DCC: variants seen among roughly 807,000 people sequenced by gnomAD.
DCC encodes netrin receptor DCC.
DCC carries 58 observed loss-of-function variants against 172.5 expected under a neutral mutation model. The observed-to-expected ratio is 0.34, with a 90% CI of 0.27 to 0.42. DCC has a LOEUF of 0.42. DCC is among the 10% of genes least tolerant of loss of function. The pLI is 1.00. For missense variants in DCC, 1,740 were observed against 1,791.0 expected (o/e 0.97, Z 0.51); for synonymous variants, 709 against 644.5 (o/e 1.10, Z -1.52).
chr18:53,410,336 A>G (rs1909906498), intron 19 of DCC, 116 bp from the exon 20 acceptor site: 2 of 740,682 alleles, frequency 2.7e-6, no homozygotes, highest in African/African-American at 1.7e-5. Flanking sequence ...GCTGTAGTTT[A>G]CAGATTGTGG....
At chr18:52,389,156 C>G (rs950284715) in intron 1 of DCC, among the ~76,000 whole-genome samples, 2 of 152,070 alleles carry the variant, frequency 1.3e-5, no homozygotes, top group African/African-American at 4.8e-5. Context: ...TCGATGAGTT[C>G]ATTTTTGCAG....
At chr18:53,091,240 C>A (rs1201725623) in intron 7 of DCC, among the ~76,000 whole-genome samples, 1 of 151,462 alleles carries the variant, frequency 6.6e-6, no homozygotes, top group African/African-American at 2.4e-5. Flanking sequence ...TTTCAGCTAG[C>A]TTTTCATCTC....
chr18:53,127,022 G>A (rs1412625260), intron 7 of DCC, among the ~76,000 whole-genome samples: 1 of 151,982 alleles, frequency 6.6e-6, no homozygotes, highest in Non-Finnish European at 1.5e-5. Context: ...GCAATTGTAG[G>A]TGCATCTCTT....
intron 12 of DCC, among the ~76,000 whole-genome samples, chr18:53,292,205 C>G (rs924610921): frequency 7.5e-5 from 11 of 146,052 alleles, no homozygotes; most frequent in Non-Finnish European, 1.0e-4. Context: ...GTTGGTTTTG[C>G]TTAGTTAGCC....
chr18:52,577,704 A>G (rs1181393248), intron 1 of DCC, among the ~76,000 whole-genome samples: 1 of 152,190 alleles, frequency 6.6e-6, no homozygotes, highest in Non-Finnish European at 1.5e-5. Context: ...AAGGAAAGAA[A>G]AATGCAGGAA....
At position 53,111,707 on chromosome 18, in the gene DCC, AT is replaced by A. The variant is rs1200492198; in HGVS notation, c.1261+45542del. 6.6e-5 allele frequency among the ~76,000 whole-genome samples: 10 copies of A among 151,790 alleles called. No individual in the cohort carries two copies. In the East Asian group the frequency reaches 1.8e-3, roughly 27 times the overall value. ...GCATTTATGCTAATGGGATACATAT[AT>A]GTCCATCTTGTACATTTTCCCTGGA... On this transcript the variant is annotated intron_variant, in intron 7 of 28. Coordinates refer to ENST00000442544, the MANE Select transcript of DCC (RefSeq NM_005215.4).
intron 2 of DCC, among the ~76,000 whole-genome samples, chr18:52,883,115 A>G (rs181717820): frequency 6.6e-6 from 1 of 151,238 alleles, no homozygotes; most frequent in Admixed American, 6.6e-5. Flanking sequence ...ATTTTTTTCT[A>G]TCTTTTTGTT....
intron 1 of DCC, among the ~76,000 whole-genome samples, chr18:52,656,199 AC>A (rs1342648590): frequency 6.6e-6 from 1 of 151,400 alleles, no homozygotes; most frequent in East Asian, 1.9e-4. Context: ...CGAAATCCTA[AC>A]CCCCAAAGTG....
At chr18:52,532,928 A>G (rs570531695) in intron 1 of DCC, among the ~76,000 whole-genome samples, 1 of 152,192 alleles carries the variant, frequency 6.6e-6, no homozygotes, top group Admixed American at 6.5e-5. Flanking sequence ...CACCATACCT[A>G]TTAGTAGTCA....
intron 15 of DCC, among the ~76,000 whole-genome samples, chr18:53,379,863 G>A (rs923860447): frequency 6.6e-6 from 1 of 152,132 alleles, no homozygotes; most frequent in East Asian, 1.9e-4. Context: ...GAATATTCTT[G>A]ATTTAAAAGA....
intron 1 of DCC, among the ~76,000 whole-genome samples, chr18:52,418,112 A>T (rs1273135987): frequency 6.6e-6 from 1 of 152,190 alleles, no homozygotes; most frequent in African/African-American, 2.4e-5. Flanking sequence ...AAACCAACAG[A>T]TCGTCAAAGG....
intron 5 of DCC, among the ~76,000 whole-genome samples, chr18:53,023,754 A>C (rs1171346864): frequency 6.6e-6 from 1 of 152,120 alleles, no homozygotes; most frequent in Non-Finnish European, 1.5e-5. Context: ...GCTTTAAAGA[A>C]ATGTCTGTGA....
intron 12 of DCC, among the ~76,000 whole-genome samples, chr18:53,288,667 C>T (rs1034681548): frequency 3.3e-5 from 5 of 151,936 alleles, no homozygotes; most frequent in Non-Finnish European, 5.9e-5. Flanking sequence ...AGATGCAGAA[C>T]GATTACATAT....
intron 21 of DCC, among the ~76,000 whole-genome samples, chr18:53,420,365 G>A (rs1910574448): frequency 1.3e-5 from 2 of 152,134 alleles, no homozygotes; most frequent in Non-Finnish European, 2.9e-5. Context: ...CTTGTTAGTG[G>A]GGTGGCAACA....
rs893401430 is a variant in DCC at position 52,900,664 on chromosome 18, A to G, written c.413-5380A>G. The stretch of plus-strand genomic sequence containing the variant: ...GTAAAACAAATGTTCTTTCCTTTTT[A>G]TAGTTTCTCACTAATAAGTTCTGAT... On this transcript the variant is annotated intron_variant, in intron 2 of 28. Transcript: ENST00000442544. 3.3e-5 allele frequency among the ~76,000 whole-genome samples: 5 copies of G among 152,220 alleles called. 1 individual carries two copies. The highest frequency in any genetic ancestry group is 7.3e-5 in the Non-Finnish European group (5 of 68,028).
chr18:52,759,731 T>C (rs1268646296), intron 2 of DCC, among the ~76,000 whole-genome samples: 1 of 152,212 alleles, frequency 6.6e-6, no homozygotes, highest in Non-Finnish European at 1.5e-5. Flanking sequence ...AATAATGTAA[T>C]ATCTGTTCCT....
At chr18:52,410,448 A>G (rs1986805946) in intron 1 of DCC, among the ~76,000 whole-genome samples, 1 of 152,124 alleles carries the variant, frequency 6.6e-6, no homozygotes, top group South Asian at 2.1e-4. Flanking sequence ...AAAACAAAAC[A>G]ACAACAACAA....
intron 12 of DCC, among the ~76,000 whole-genome samples, chr18:53,248,257 T>C (rs541592042): frequency 1.2e-4 from 19 of 152,142 alleles, no homozygotes; most frequent in Non-Finnish European, 2.5e-4. Context: ...TGACCCGACC[T>C]GAACATTCAG....
chr18:53,325,884 A>G (rs2057462976), intron 14 of DCC, among the ~76,000 whole-genome samples: 1 of 152,240 alleles, frequency 6.6e-6, no homozygotes, highest in South Asian at 2.1e-4. Context: ...AAAAGATTTC[A>G]TAAAAACACG....
Sources: allele counts gnomAD v4.1 joint callset (sites outside exome capture counted in the v4.1 genomes callset), GRCh38; gene constraint gnomAD v4.1.1; transcripts MANE v1.5; gene names NCBI Gene and HGNC (gene_info 2026-07-23, HGNC 2026-07-21).